MYCT1: variants seen among roughly 807,000 people sequenced by gnomAD.
MYCT1 encodes the protein MYC target 1.
MYCT1 carries 12 observed loss-of-function variants against 15.0 expected under a neutral mutation model. The ratio of observed to expected loss-of-function variants is 0.80; its 90% CI spans 0.51 to 1.29. The LOEUF is 1.29. Among genes scored for constraint, MYCT1 ranks in the 50% most tolerant of loss-of-function variants. The pLI, the probability that MYCT1 is intolerant of heterozygous loss-of-function variation, is 0.00. For missense variants in MYCT1, 287 were observed against 279.1 expected (o/e 1.03, Z -0.20); for synonymous variants, 104 against 102.7 (o/e 1.01, Z -0.07).
chr6:152,739,773 TA>T, the MYCT1 span, among the ~76,000 whole-genome samples: 1 of 152,128 alleles, frequency 6.6e-6, no homozygotes, highest in Non-Finnish European at 1.5e-5. Flanking sequence ...AAATTTGAAA[TA>T]TTTTTTTAAA....
rs201782481 is a variant in MYCT1, at chr6:152,719,541, T to TA, written c.197-2200dup. Reference sequence around the variant, plus strand: ...GATGTTTGAGGATTAAGTGATATAATACACTAAAAAATGTGCCTGGGAACT... The same window carrying TA: ...GATGTTTGAGGATTAAGTGATATAATAACACTAAAAAATGTGCCTGGGAACT... On this transcript the variant is annotated intron_variant, in intron 1 of 1. Transcript: ENST00000367245. Among the ~76,000 whole-genome samples, 3 of 152,170 alleles carry TA rather than the reference T, an allele frequency of 2.0e-5. No individual in the cohort carries two copies. The East Asian group carries it at 5.8e-4, about 29-fold the overall frequency.
At chr6:152,699,521 T>A (rs1247637710) in intron 1 of MYCT1, among the ~76,000 whole-genome samples, 1 of 152,176 alleles carries the variant, frequency 6.6e-6, no homozygotes, top group East Asian at 1.9e-4. Context: ...GAATTGTAGA[T>A]GTCTGATTAT....
At chr6:152,715,140 G>C (rs2129069839) in intron 1 of MYCT1, among the ~76,000 whole-genome samples, 1 of 152,216 alleles carries the variant, frequency 6.6e-6, no homozygotes, top group South Asian at 2.1e-4. Flanking sequence ...TGTGATGAAA[G>C]ATTTTCTTTT....
chr6:152,722,284 T>C lies in MYCT1; in HGVS notation c.*31T>C. On this transcript the variant is annotated 3_prime_UTR_variant, in exon 2 of 2. Transcript: ENST00000367245. ...GTGGCTTTTGGTTTTTGTTTCTTTC[T>C]TGTCTTGTCTTTTATTGAAAGGAAA... 1 of 1,559,212 alleles carries C rather than the reference T, an allele frequency of 6.4e-7. No individual in the cohort carries two copies. The highest frequency in any genetic ancestry group is 1.2e-5 in the South Asian group (1 of 82,828).
At chr6:152,707,867 T>C (rs2099722572) in intron 1 of MYCT1, among the ~76,000 whole-genome samples, 1 of 152,064 alleles carries the variant, frequency 6.6e-6, no homozygotes, top group Admixed American at 6.6e-5. Flanking sequence ...AATGTCTATG[T>C]AAATGCCAGT....
intron 1 of MYCT1, among the ~76,000 whole-genome samples, chr6:152,700,808 G>C (rs1407784700): frequency 6.6e-6 from 1 of 152,148 alleles, no homozygotes; most frequent in Admixed American, 6.6e-5. Context: ...TGTTTCTGCT[G>C]TCTTGCTTTG....
chr6:152,733,891 G>A, the MYCT1 span, among the ~76,000 whole-genome samples: 708 of 152,040 alleles, frequency 4.7e-3, 8 homozygotes, highest in African/African-American at 0.016. Context: ...TTTTTCTTTT[G>A]CCATTTATTT....
the MYCT1 span, among the ~76,000 whole-genome samples, chr6:152,744,306 TAA>T: frequency 4.6e-5 from 7 of 152,312 alleles, no homozygotes; most frequent in Admixed American, 1.3e-4. Context: ...TTGATTATTT[TAA>T]GAGTTCTTCC....
downstream of MYCT1, among the ~76,000 whole-genome samples, chr6:152,728,552 A>T (rs1316685961): frequency 6.6e-6 from 1 of 152,198 alleles, no homozygotes; most frequent in Non-Finnish European, 1.5e-5. Context: ...AGTAGAAAAA[A>T]AAAACCTTTA....
At chr6:152,699,568 A>G (rs930689971) in intron 1 of MYCT1, among the ~76,000 whole-genome samples, 1 of 152,190 alleles carries the variant, frequency 6.6e-6, no homozygotes, top group African/African-American at 2.4e-5. Context: ...CCTCACTTAT[A>G]GAGAAAATAA....
chr6:152,716,057 G>A (rs758260210), intron 1 of MYCT1, among the ~76,000 whole-genome samples: 2 of 152,172 alleles, frequency 1.3e-5, no homozygotes, highest in African/African-American at 2.4e-5. Context: ...GGGTGTGAGG[G>A]ATATGGCAAG....
chr6:152,718,948 T>G (rs1469313582), intron 1 of MYCT1, among the ~76,000 whole-genome samples: 2 of 152,194 alleles, frequency 1.3e-5, no homozygotes, highest in African/African-American at 4.8e-5. Flanking sequence ...AATTTGAGTA[T>G]TTGTCTTCTC....
chr6:152,719,385 A>G (rs995772396), intron 1 of MYCT1, among the ~76,000 whole-genome samples: 2 of 152,228 alleles, frequency 1.3e-5, no homozygotes, highest in African/African-American at 4.8e-5. Context: ...TAAGCAATTA[A>G]CTATGAATTA....
At chr6:152,705,618 AT>A in intron 1 of MYCT1, 1 of 161,918 alleles carries the variant, frequency 6.2e-6, no homozygotes, top group Non-Finnish European at 1.3e-5. Context: ...TCAACTTACA[AT>A]TTTTTTGACT....
At chr6:152,739,675 A>G in the MYCT1 span, among the ~76,000 whole-genome samples, 1 of 152,030 alleles carries the variant, frequency 6.6e-6, no homozygotes. Context: ...CCCATTTGCA[A>G]TGAATGCTTT....
intron 1 of MYCT1, among the ~76,000 whole-genome samples, chr6:152,720,360 T>C (rs570466152): frequency 6.6e-6 from 1 of 152,158 alleles, no homozygotes; most frequent in Non-Finnish European, 1.5e-5. Context: ...CTGCCCAGAT[T>C]CAAGGGGTGG....
At chr6:152,746,190 C>T in the MYCT1 span, among the ~76,000 whole-genome samples, 1 of 152,172 alleles carries the variant, frequency 6.6e-6, no homozygotes, top group African/African-American at 2.4e-5. Flanking sequence ...TCATTTGATC[C>T]ATATAGTAAA....
the MYCT1 span, among the ~76,000 whole-genome samples, chr6:152,735,274 T>C: frequency 1.3e-5 from 2 of 152,132 alleles, no homozygotes; most frequent in African/African-American, 4.8e-5. Context: ...GTTGTAAATA[T>C]TATAAATAGA....
rs1467493377 is a variant in MYCT1 at position 152,721,928 on chromosome 6, A to G, written c.383A>G (p.His128Arg). 5.6e-6 allele frequency: 9 copies of G among 1,614,212 alleles called. No homozygotes were observed. The highest frequency in any genetic ancestry group is 7.6e-6 in the Non-Finnish European group (9 of 1,180,028). ...CTCAACAGAACTGGATTTTACCGCCACAGTGGCTGTGAACGTCGAAGCAAC... is the reference window on the plus strand; with the variant it reads ...CTCAACAGAACTGGATTTTACCGCCGCAGTGGCTGTGAACGTCGAAGCAAC... ...HGLNRTGFYR[H>R]SGCERRSNLS... Residue 128 changes from histidine to arginine, a missense_variant, in exon 2 of 2, where the codon CAC becomes CGC. Coordinates refer to ENST00000367245, the MANE Select transcript of MYCT1 (RefSeq NM_025107.3).
Sources: allele counts gnomAD v4.1 joint callset (sites outside exome capture counted in the v4.1 genomes callset), GRCh38; gene constraint gnomAD v4.1.1; transcripts MANE v1.5; gene names NCBI Gene and HGNC (gene_info 2026-07-23, HGNC 2026-07-21).